The following XKR9 variants were observed in gnomAD, a reference collection of about 807,000 sequenced individuals.
XKR9 encodes XK-related protein 9.
In XKR9, 32 loss-of-function variants were observed where a neutral mutation model predicts 32.0. The observed-to-expected ratio is 1.00, with a 90% confidence interval of 0.76 to 1.34. XKR9 has a LOEUF of 1.34. XKR9 is among the 40% of genes most tolerant of loss of function. The pLI is 0.00. For missense variants in XKR9, 546 were observed against 429.7 expected (o/e 1.27, Z -2.39); for synonymous variants, 168 against 143.4 (o/e 1.17, Z -1.22).
the XKR9 span, among the ~76,000 whole-genome samples, chr8:70,939,750 T>C: frequency 3.3e-5 from 5 of 151,896 alleles, no homozygotes; most frequent in Non-Finnish European, 1.5e-5. Context: ...TGCTAAAGGC[T>C]GGAAATTAAA....
chr8:70,733,583 T>C (rs1460575656), intron 4 of XKR9, among the ~76,000 whole-genome samples: 1 of 152,100 alleles, frequency 6.6e-6, no homozygotes, highest in Non-Finnish European at 1.5e-5. Context: ...TTCTGCAACT[T>C]ACTAGCTTTG....
intron 3 of XKR9, among the ~76,000 whole-genome samples, chr8:70,697,680 C>A (rs1269627375): frequency 2.0e-5 from 3 of 149,802 alleles, no homozygotes; most frequent in African/African-American, 5.0e-5. Flanking sequence ...CTTTGGTATC[C>A]GGATGATGCT....
At chr8:70,710,044 T>C (rs1586842738) in intron 4 of XKR9, among the ~76,000 whole-genome samples, 1 of 152,158 alleles carries the variant, frequency 6.6e-6, no homozygotes, top group South Asian at 2.1e-4. Context: ...CAAACTATAC[T>C]ACATGGCTAC....
At chr8:70,963,651 A>G in the XKR9 span, among the ~76,000 whole-genome samples, 1 of 152,194 alleles carries the variant, frequency 6.6e-6, no homozygotes, top group East Asian at 1.9e-4. Flanking sequence ...CTTTTTAACA[A>G]TAGCCATTCT....
intron 2 of XKR9, among the ~76,000 whole-genome samples, chr8:70,768,120 T>G (rs2380687): frequency 0.41 from 61,831 of 152,008 alleles, 14,009 homozygotes; most frequent in Non-Finnish European, 0.52. Context: ...GGTATATTGT[T>G]TCTTTGTTCT....
chr8:71,009,362 A>G, the XKR9 span, among the ~76,000 whole-genome samples: 2 of 151,410 alleles, frequency 1.3e-5, no homozygotes, highest in Non-Finnish European at 2.9e-5. Context: ...ATGAGCTATC[A>G]TTAGTATTAG....
intron 4 of XKR9, among the ~76,000 whole-genome samples, chr8:70,717,705 C>A (rs1806138856): frequency 6.6e-6 from 1 of 152,158 alleles, no homozygotes; most frequent in African/African-American, 2.4e-5. Context: ...GCCCTGGAGA[C>A]ATTTTTCCCA....
intron 2 of XKR9, among the ~76,000 whole-genome samples, chr8:70,744,404 TA>T (rs1312099301): frequency 6.6e-6 from 1 of 152,152 alleles, no homozygotes; most frequent in Non-Finnish European, 1.5e-5. Flanking sequence ...ATGACCCTGA[TA>T]AAAACTGCAA....
chr8:70,979,294 C>G, the XKR9 span, among the ~76,000 whole-genome samples: 1 of 152,214 alleles, frequency 6.6e-6, no homozygotes, highest in Non-Finnish European at 1.5e-5. Flanking sequence ...CGAGGAGCTG[C>G]AATCCTTTGG....
At chr8:70,739,874 A>G (rs972763313), downstream of XKR9, among the ~76,000 whole-genome samples, 23 of 152,250 alleles carry the variant, frequency 1.5e-4, no homozygotes, top group African/African-American at 4.1e-4. Context: ...TGGGTAACCC[A>G]ACCTTTCTCT....
the XKR9 span, among the ~76,000 whole-genome samples, chr8:70,813,806 A>C: frequency 6.6e-6 from 1 of 152,344 alleles, no homozygotes; most frequent in South Asian, 2.1e-4. Flanking sequence ...GGTGCTGGAG[A>C]GGATGTGGAG....
intron 4 of XKR9, among the ~76,000 whole-genome samples, chr8:70,728,650 A>C (rs750970403): frequency 6.6e-6 from 1 of 152,210 alleles, no homozygotes; most frequent in Non-Finnish European, 1.5e-5. Flanking sequence ...AGCTAACAAC[A>C]GGTGTACTAT....
chr8:70,752,347 G>A (rs115378900), intron 2 of XKR9, among the ~76,000 whole-genome samples: 1,758 of 152,220 alleles, frequency 0.012, 32 homozygotes, highest in African/African-American at 0.038. Context: ...TTTATCTTAC[G>A]ATTTTAGAGG....
At chr8:70,999,094 A>G in the XKR9 span, among the ~76,000 whole-genome samples, 501 of 152,284 alleles carry the variant, frequency 3.3e-3, 16 homozygotes, top group Admixed American at 0.032. Context: ...TCTCTCTTGC[A>G]TAGGGAATGC....
the XKR9 span, among the ~76,000 whole-genome samples, chr8:70,803,362 A>T: frequency 2.4e-4 from 36 of 152,184 alleles, no homozygotes; most frequent in East Asian, 6.7e-3. Context: ...TATTTCTTAG[A>T]TTCCTTGGAT....
At chr8:70,816,597 T>C in the XKR9 span, among the ~76,000 whole-genome samples, 1 of 152,220 alleles carries the variant, frequency 6.6e-6, no homozygotes, top group Non-Finnish European at 1.5e-5. Flanking sequence ...CAAAAGTCAA[T>C]GCTAAAGAAA....
intron 4 of XKR9, among the ~76,000 whole-genome samples, chr8:70,719,870 T>G (rs1806218148): frequency 6.6e-6 from 1 of 152,176 alleles, no homozygotes; most frequent in African/African-American, 2.4e-5. Context: ...TAACATTGAA[T>G]CTATAAATTA....
At chr8:70,733,204 G>T (rs531432336) in intron 4 of XKR9, among the ~76,000 whole-genome samples, 11 of 152,296 alleles carry the variant, frequency 7.2e-5, no homozygotes, top group East Asian at 5.8e-4. Flanking sequence ...ACAGAAAGTT[G>T]TAAGTTTTAG....
At chr8:70,993,394 C>T in the XKR9 span, among the ~76,000 whole-genome samples, 1 of 152,156 alleles carries the variant, frequency 6.6e-6, no homozygotes. Flanking sequence ...ATCTGAAGCT[C>T]CCTTAATGGC....
Sources: allele counts gnomAD v4.1 joint callset (sites outside exome capture counted in the v4.1 genomes callset), GRCh38; gene constraint gnomAD v4.1.1; transcripts MANE v1.5; gene names NCBI Gene and HGNC (gene_info 2026-07-23, HGNC 2026-07-21).